The following USP39 variants were observed in gnomAD, a reference collection of about 807,000 sequenced individuals.
The protein encoded by USP39 is ubiquitin carboxyl-terminal hydrolase 39.
Under a neutral mutation model 66.4 loss-of-function variants are expected in USP39, and 38 were observed. The ratio of observed to expected loss-of-function variants is 0.57; its 90% CI spans 0.44 to 0.75. The LOEUF is 0.75. USP39 is among the 30% of genes least tolerant of loss of function. The probability of loss-of-function intolerance (pLI) is 0.00; values close to 1 mark genes in which losing one functional copy is unlikely to be tolerated. For missense variants in USP39, 608 were observed against 714.4 expected, an observed-to-expected ratio of 0.85 and a Z score of 1.70; for synonymous variants, 303 against 274.6, an observed-to-expected ratio of 1.10 and a Z score of -1.02.
chr2:85,613,436 C>T (rs898701990), upstream of USP39, among the ~76,000 whole-genome samples: 2 of 152,044 alleles, frequency 1.3e-5, no homozygotes, highest in East Asian at 1.9e-4. Context: ...CGCTTGAACC[C>T]GGGAGGCGGA....
chr2:85,616,426 G>A lies in USP39; in HGVS notation c.231G>A (p.Glu77=). 1 of 1,588,538 alleles carries A rather than the reference G, an allele frequency of 6.3e-7. No individual in the cohort carries two copies. The highest frequency in any genetic ancestry group is 1.4e-5 in the African/African-American group (1 of 73,732). ...TTGTGCGGGTGAAGCGGGAGCGCGA[G>A]GTCGATGAGGACTCGGAGCCTGAGC... is the stretch of plus-strand genomic sequence containing the variant. The part of the protein sequence containing the change: ...VPFVRVKRER[E]VDEDSEPERE... The change falls in exon 1 of 13, where the codon GAG becomes GAA. Residue 77 remains glutamate (E), a synonymous_variant. Transcript: ENST00000323701.
chr2:85,638,177 A>G (rs1301420115), intron 8 of USP39, among the ~76,000 whole-genome samples: 2 of 151,456 alleles, frequency 1.3e-5, no homozygotes, highest in East Asian at 3.9e-4. Context: ...ATGCGCCACT[A>G]TGCCTGGCTA....
At chr2:85,617,139 GAAGC>G (rs1674052486) in intron 1 of USP39, among the ~76,000 whole-genome samples, 1 of 144,328 alleles carries the variant, frequency 6.9e-6, no homozygotes, top group African/African-American at 2.6e-5. Flanking sequence ...CGTTTTAAGA[GAAGC>G]AAGTCTCGCT....
chr2:85,648,925 A>G lies in USP39; in HGVS notation c.*117A>G. The G allele has an allele frequency of 8.1e-7, 1 of 1,240,804 alleles. No individual in the cohort carries two copies. The highest frequency in any genetic ancestry group is 1.2e-6 in the Non-Finnish European group (1 of 857,800). 76.9% of individuals were successfully genotyped at this position (1,240,804 alleles called of 1,614,324 possible). On this transcript the variant is annotated 3_prime_UTR_variant, in exon 13 of 13. Coordinates refer to ENST00000323701, the MANE Select transcript of USP39 (RefSeq NM_006590.4). ...GGCTTCCTAGGCCAGCCCAGCTTGT[A>G]TGGGTTCTGGCTACACCAGAGCACC...
chr2:85,612,174 G>T, upstream of USP39: 3 of 925,342 alleles, frequency 3.2e-6, no homozygotes, highest in South Asian at 3.4e-5. Context: ...GTGGAGTAGG[G>T]TATGCTTGAC....
chr2:85,611,830 A>AGGCCG (rs1558840816), upstream of USP39: 1 of 1,605,192 alleles, frequency 6.2e-7, no homozygotes, highest in Non-Finnish European at 8.5e-7. Context: ...GGGCCGGGCC[A>AGGCCG]GGCCAGGCCA....
At chr2:85,644,810 TTC>T in intron 10 of USP39, 136 bp from the exon 11 acceptor site, 1 of 1,151,562 alleles carries the variant, frequency 8.7e-7, no homozygotes, top group Non-Finnish European at 1.2e-6. Context: ...CACCTGGACC[TTC>T]TTGACTCTGC....
At chr2:85,608,179 A>T (rs950167552), upstream of USP39, 3 of 152,230 alleles carry the variant, frequency 2.0e-5, no homozygotes, top group Non-Finnish European at 2.9e-5. Flanking sequence ...TGCTGTAAGA[A>T]ATCTTTTCAG....
chr2:85,627,864 C>T (rs1198443180), intron 5 of USP39, among the ~76,000 whole-genome samples: 1 of 152,088 alleles, frequency 6.6e-6, no homozygotes, highest in African/African-American at 2.4e-5. Flanking sequence ...CTTACAGACT[C>T]CTTTCCTATT....
intron 6 of USP39, among the ~76,000 whole-genome samples, chr2:85,635,204 G>A (rs1411318156): frequency 1.3e-5 from 2 of 152,208 alleles, no homozygotes; most frequent in African/African-American, 4.8e-5. Context: ...TATAGTCTTT[G>A]AGATTTTAAT....
chr2:85,630,641 A>G, intron 5 of USP39, 80 bp from the exon 6 acceptor site: 2 of 1,370,536 alleles, frequency 1.5e-6, no homozygotes, highest in East Asian at 2.3e-5. Context: ...AAATTCTATT[A>G]GGAGAACTTT....
At chr2:85,604,599 C>T (rs1673150576) in intron 1 of USP39, among the ~76,000 whole-genome samples, 2 of 152,284 alleles carry the variant, frequency 1.3e-5, no homozygotes, top group South Asian at 4.1e-4. Context: ...TACAAGCACA[C>T]CTGGCTGAAT....
chr2:85,612,063 C>A, upstream of USP39: 1 of 1,143,806 alleles, frequency 8.7e-7, no homozygotes, highest in Non-Finnish European at 1.2e-6. Context: ...CCGCGCCGCC[C>A]CTTGCTCAGC....
chr2:85,615,178 G>A (rs1310288214), upstream of USP39, among the ~76,000 whole-genome samples: 1 of 152,012 alleles, frequency 6.6e-6, no homozygotes, highest in Non-Finnish European at 1.5e-5. Context: ...GTGCCACCAC[G>A]CCCGGCTAAT....
rs1413585603 is a variant in USP39 at position 85,641,238 on chromosome 2, C to G, written c.1427+120C>G. On this transcript the variant is annotated intron_variant, in intron 10 of 12. Coordinates refer to ENST00000323701, the MANE Select transcript of USP39 (RefSeq NM_006590.4). Reference sequence around the variant, plus strand: ...GGGGATTACAAGGAACAGAGCCTACCTACAGTAGATAAGAGTTTTTATTGG... The same window carrying G: ...GGGGATTACAAGGAACAGAGCCTACGTACAGTAGATAAGAGTTTTTATTGG... 3.3e-6 allele frequency: 4 copies of G among 1,228,384 alleles called. No homozygotes were observed. The African/African-American group carries it at 4.6e-5, about 14-fold the overall frequency. The allele number at this position is 1,228,384 out of a possible 1,614,324, so 76.1% of individuals were successfully genotyped here.
upstream of USP39, chr2:85,609,178 A>C: frequency 6.9e-7 from 1 of 1,444,766 alleles, no homozygotes; most frequent in Non-Finnish European, 9.3e-7. Flanking sequence ...GCTTTTTGCC[A>C]GCACCTGTCA....
chr2:85,630,723 T>G lies in USP39; in HGVS notation c.726T>G (p.Ala242=). Residue 242 remains alanine, a splice_region_variant and synonymous_variant, in exon 6 of 13, where the codon GCT becomes GCG. Coordinates refer to ENST00000323701, the MANE Select transcript of USP39 (RefSeq NM_006590.4). ...TAATCGGAGTGTTTGATTTTTAGGC[T>G]CTATCTAATGTTCCTCCTCTCCGGA... The part of the protein sequence containing the change: ...ANDYANAVLQ[A]LSNVPPLRNY... 2 of 1,614,112 alleles carry G rather than the reference T, an allele frequency of 1.2e-6. No individual in the cohort carries two copies. The highest frequency in any genetic ancestry group is 1.7e-6 in the Non-Finnish European group (2 of 1,179,954).
At position 85,616,424 on chromosome 2, in the gene USP39, G is replaced by A; in HGVS notation, c.229G>A (p.Glu77Lys). 1.3e-6 allele frequency: 2 copies of A among 1,588,492 alleles called. No homozygotes were observed. Among genetic ancestry groups the A allele is most frequent in the East Asian group, 2.3e-5 (1 of 43,736 alleles). ...VPFVRVKRER[E>K]VDEDSEPERE... ...GTTTGTGCGGGTGAAGCGGGAGCGC[G>A]AGGTCGATGAGGACTCGGAGCCTGA... The change falls in exon 1 of 13, where the codon GAG (glutamate) becomes AAG (lysine). Residue 77 changes from glutamate (E) to lysine (K), a missense_variant. This residue lies in a region of USP39 where 207 missense variants were observed against 145.7 expected (regional missense o/e 1.42). Coordinates refer to ENST00000323701, the MANE Select transcript of USP39 (RefSeq NM_006590.4).
At chr2:85,614,822 T>G (rs1484732426), upstream of USP39, among the ~76,000 whole-genome samples, 1 of 152,230 alleles carries the variant, frequency 6.6e-6, no homozygotes, top group Non-Finnish European at 1.5e-5. Flanking sequence ...TCTGTTCCCT[T>G]AACTGTAGAC....
Sources: gnomAD v4.1 joint callset for allele counts (sites outside exome capture counted in the v4.1 genomes callset) on GRCh38, gnomAD v4.1.1 for gene constraint, gnomAD v4.1.1 regional missense constraint, MANE v1.5 for transcripts, NCBI Gene and HGNC (gene_info 2026-07-23, HGNC 2026-07-21) for gene names.